Variants in CSMD1 observed in about 807,000 individuals in gnomAD.
CSMD1 encodes the protein CUB and Sushi multiple domains 1.
Under a neutral mutation model 417.5 loss-of-function variants are expected in CSMD1, and 213 were observed. The observed-to-expected ratio is 0.51, with a 90% CI of 0.46 to 0.57. The LOEUF is 0.57. CSMD1 is among the 20% of genes least tolerant of loss of function. The pLI is 0.00. For synonymous variants in CSMD1, 2,862 were observed against 1,736.8 expected (o/e 1.65, Z -16.11); for missense variants, 6,923 against 4,529.7 (o/e 1.53, Z -15.17).
chr8:3,430,578 G>A (rs760889285), intron 12 of CSMD1, among the ~76,000 whole-genome samples: 16 of 152,256 alleles, frequency 1.1e-4, no homozygotes, highest in Admixed American at 2.0e-4. Flanking sequence ...AAGCTGAAGC[G>A]GGTGGATCAT....
At position 3,725,356 on chromosome 8, in the gene CSMD1, C is replaced by A. The variant is rs180787342; in HGVS notation, c.932-16865G>T. On this transcript the variant is annotated intron_variant, in intron 6 of 69. Coordinates refer to ENST00000635120, the MANE Select transcript of CSMD1 (RefSeq NM_033225.6). The stretch of plus-strand genomic sequence containing the variant: ...ACATATCCCTGCATGGACAGGGAAA[C>A]AATGACAAAGAACCTGGATGACCAG... Among the ~76,000 whole-genome samples the A allele has an allele frequency of 5.9e-5, 9 of 152,176 alleles. 1 individual carries two copies. The East Asian group carries it at 1.7e-3, about 29-fold the overall frequency.
At chr8:4,949,484 G>C (rs1466030797) in intron 1 of CSMD1, among the ~76,000 whole-genome samples, 1 of 152,188 alleles carries the variant, frequency 6.6e-6, no homozygotes, top group Admixed American at 6.5e-5. Context: ...TAATTTAGTA[G>C]TTCTCAACCA....
At chr8:4,912,566 G>C (rs919841679) in intron 1 of CSMD1, among the ~76,000 whole-genome samples, 1 of 152,154 alleles carries the variant, frequency 6.6e-6, no homozygotes, top group African/African-American at 2.4e-5. Flanking sequence ...CACTGGGGTA[G>C]TCTGAAATGA....
At chr8:3,350,743 G>C (rs932105757) in intron 21 of CSMD1, among the ~76,000 whole-genome samples, 1 of 152,064 alleles carries the variant, frequency 6.6e-6, no homozygotes, top group Non-Finnish European at 1.5e-5. Context: ...CATAAAAAAG[G>C]TGGGACAAGA....
intron 1 of CSMD1, among the ~76,000 whole-genome samples, chr8:4,707,650 G>T (rs1388716116): frequency 6.6e-6 from 1 of 151,910 alleles, no homozygotes; most frequent in Non-Finnish European, 1.5e-5. Flanking sequence ...ACTTTGGGAG[G>T]CCGAGGCGGG....
chr8:3,383,869 T>A (rs1384578124), intron 18 of CSMD1, among the ~76,000 whole-genome samples: 2 of 152,126 alleles, frequency 1.3e-5, no homozygotes, highest in Non-Finnish European at 2.9e-5. Context: ...TTTGATATGT[T>A]TAAGCAATAA....
chr8:3,393,120 T>G (rs117802997), intron 17 of CSMD1, among the ~76,000 whole-genome samples: 1,593 of 152,192 alleles, frequency 0.01, 17 homozygotes, highest in Middle Eastern at 0.017. Context: ...CAGTATCACA[T>G]CCTTCTGAGG....
chr8:3,058,212 CAA>C (rs1812363206), intron 49 of CSMD1, among the ~76,000 whole-genome samples: 1 of 152,196 alleles, frequency 6.6e-6, no homozygotes. Flanking sequence ...TATTGCTTCA[CAA>C]AGTTATATAT....
At chr8:4,144,276 C>G (rs868133734) in intron 3 of CSMD1, among the ~76,000 whole-genome samples, 1 of 150,972 alleles carries the variant, frequency 6.6e-6, no homozygotes, top group South Asian at 2.1e-4. Flanking sequence ...TTCTGCCTCA[C>G]ACTCACCCCA....
intron 2 of CSMD1, among the ~76,000 whole-genome samples, chr8:4,585,562 G>C (rs951449748): frequency 6.6e-6 from 1 of 152,136 alleles, no homozygotes; most frequent in Non-Finnish European, 1.5e-5. Context: ...TTGAGCAGAA[G>C]TGAAAAGGTA....
At position 2,937,854 on chromosome 8, in the gene CSMD1, A is replaced by G. The variant is rs777847366; in HGVS notation, c.*731T>C. The stretch of plus-strand genomic sequence containing the variant: ...ATAATATGAAATAATGCTTATATAC[A>G]ATGGATAGTGTGTATAAACCCTGTG... On this transcript the variant is annotated 3_prime_UTR_variant, in exon 70 of 70. Coordinates refer to ENST00000635120, the MANE Select transcript of CSMD1 (RefSeq NM_033225.6). 1 of 152,488 alleles carries G rather than the reference A, an allele frequency of 6.6e-6. No homozygotes were observed. The highest frequency in any genetic ancestry group is 2.4e-5 in the African/African-American group (1 of 41,414). 9.4% of individuals were successfully genotyped at this position (152,488 alleles called of 1,614,324 possible).
intron 5 of CSMD1, among the ~76,000 whole-genome samples, chr8:3,809,712 A>T (rs1405030884): frequency 6.6e-6 from 1 of 152,148 alleles, no homozygotes. Context: ...CACTGCCACG[A>T]ATCTATAGGT....
At chr8:4,127,774 A>T (rs993364321) in intron 3 of CSMD1, among the ~76,000 whole-genome samples, 1 of 152,214 alleles carries the variant, frequency 6.6e-6, no homozygotes, top group African/African-American at 2.4e-5. Context: ...ATATTGTCTC[A>T]TTTAATCTTT....
intron 3 of CSMD1, among the ~76,000 whole-genome samples, chr8:4,108,928 C>T (rs184265872): frequency 5.3e-5 from 8 of 152,264 alleles, no homozygotes; most frequent in South Asian, 2.1e-4. Flanking sequence ...CAAAAAATTC[C>T]ATCGCCTTAG....
At chr8:4,255,341 C>G (rs982829461) in intron 3 of CSMD1, among the ~76,000 whole-genome samples, 1 of 152,150 alleles carries the variant, frequency 6.6e-6, no homozygotes, top group Admixed American at 6.5e-5. Context: ...TATCTGCAGT[C>G]ATTGTTCTTG....
intron 5 of CSMD1, among the ~76,000 whole-genome samples, chr8:3,824,730 A>T (rs368991404): frequency 3.2e-4 from 48 of 152,294 alleles, no homozygotes; most frequent in African/African-American, 1.1e-3. Context: ...TTTGGCTACT[A>T]GAGAATTAAA....
At chr8:4,063,793 A>T (rs927185533) in intron 3 of CSMD1, among the ~76,000 whole-genome samples, 2 of 152,202 alleles carry the variant, frequency 1.3e-5, no homozygotes, top group African/African-American at 4.8e-5. Flanking sequence ...GTTCCACTTA[A>T]ACCTGCATCT....
At chr8:4,832,794 C>T (rs950854854) in intron 1 of CSMD1, among the ~76,000 whole-genome samples, 4 of 152,038 alleles carry the variant, frequency 2.6e-5, no homozygotes, top group African/African-American at 4.8e-5. Flanking sequence ...CCCAGAGAGC[C>T]GAGACATTCA....
At chr8:3,642,894 C>A (rs889796567) in intron 7 of CSMD1, among the ~76,000 whole-genome samples, 1 of 151,430 alleles carries the variant, frequency 6.6e-6, no homozygotes, top group African/African-American at 2.4e-5. Context: ...TACATACACA[C>A]ACATATATAT....
Sources: allele counts gnomAD v4.1 joint callset (sites outside exome capture counted in the v4.1 genomes callset), GRCh38; gene constraint gnomAD v4.1.1; transcripts MANE v1.5; gene names NCBI Gene and HGNC (gene_info 2026-07-23, HGNC 2026-07-21).